TDRD3: variants seen among roughly 807,000 people sequenced by gnomAD.
The protein encoded by TDRD3 is tudor domain containing 3, also known as tudor domain-containing protein 3.
A neutral mutation model predicts 86.7 loss-of-function variants in TDRD3; 45 were observed. The ratio of observed to expected loss-of-function variants is 0.52; its 90% confidence interval spans 0.41 to 0.67. TDRD3 has a LOEUF of 0.67. Among genes scored for constraint, TDRD3 ranks in the 30% least tolerant of loss-of-function variants. The pLI is 0.00. For missense variants in TDRD3, 814 were observed against 889.0 expected (o/e 0.92, Z 1.07); for synonymous variants, 298 against 301.7 (o/e 0.99, Z 0.13).
At chr13:60,399,536 A>G (rs1954037676) in intron 1 of TDRD3, among the ~76,000 whole-genome samples, 2 of 152,330 alleles carry the variant, frequency 1.3e-5, no homozygotes, top group African/African-American at 2.4e-5. Context: ...GGGACTTACT[A>G]TGTTAAAATT....
intron 1 of TDRD3, among the ~76,000 whole-genome samples, chr13:60,404,915 C>T (rs576653985): frequency 3.9e-5 from 6 of 152,278 alleles, no homozygotes; most frequent in South Asian, 2.1e-4. Context: ...ATGCTGTTCT[C>T]GTGATAGTGA....
At chr13:60,405,978 T>G (rs1594893814) in intron 1 of TDRD3, among the ~76,000 whole-genome samples, 1 of 152,336 alleles carries the variant, frequency 6.6e-6, no homozygotes, top group South Asian at 2.1e-4. Context: ...TGTTAAAGGC[T>G]TGATTTCTAG....
chr13:60,455,049 G>A (rs560712602), intron 3 of TDRD3, among the ~76,000 whole-genome samples: 1 of 152,172 alleles, frequency 6.6e-6, no homozygotes, highest in Non-Finnish European at 1.5e-5. Context: ...AAGTAGCTGG[G>A]ATTACAGGCG....
intron 4 of TDRD3, among the ~76,000 whole-genome samples, chr13:60,462,183 A>G (rs1277083555): frequency 3.3e-5 from 5 of 152,184 alleles, no homozygotes. Flanking sequence ...TCAAATTCCT[A>G]TGACGAATTC....
intron 13 of TDRD3, among the ~76,000 whole-genome samples, chr13:60,569,347 A>G (rs1958532580): frequency 6.6e-6 from 1 of 152,222 alleles, no homozygotes; most frequent in South Asian, 2.1e-4. Context: ...TAAAACACCT[A>G]GGAATAAATT....
intron 10 of TDRD3, among the ~76,000 whole-genome samples, chr13:60,525,107 AAAC>A (rs1386980724): frequency 6.7e-6 from 1 of 149,316 alleles, no homozygotes; most frequent in African/African-American, 2.4e-5. Flanking sequence ...AAAAAAAAAA[AAAC>A]CCCACAATTT....
In TDRD3 at chr13:60,403,695, T is replaced by C. The variant is rs566437413; in HGVS notation, c.41+6290T>C. Among the ~76,000 whole-genome samples the C allele has an allele frequency of 2.6e-5, 4 of 152,280 alleles. No homozygotes were observed. In the South Asian group the frequency reaches 8.3e-4, roughly 32 times the overall value. ...GTGATGGACAAAAGGAGGAAAGAAC[T>C]GCATAGACAGAGAGCCTATATGTAC... On this transcript the variant is annotated intron_variant, in intron 1 of 13. Transcript: ENST00000377881.
intron 12 of TDRD3, among the ~76,000 whole-genome samples, chr13:60,553,744 G>A (rs181739511): frequency 2.0e-5 from 3 of 152,138 alleles, no homozygotes; most frequent in Non-Finnish European, 2.9e-5. Context: ...CACGAGAACA[G>A]CATGGGGGAA....
chr13:60,414,091 G>C (rs560057400), intron 1 of TDRD3, among the ~76,000 whole-genome samples: 10 of 152,222 alleles, frequency 6.6e-5, no homozygotes, highest in Admixed American at 3.3e-4. Flanking sequence ...TTCACTTAAA[G>C]AATAATGTGT....
chr13:60,418,175 C>G (rs1295803948), intron 1 of TDRD3, among the ~76,000 whole-genome samples: 3 of 152,128 alleles, frequency 2.0e-5, no homozygotes, highest in Non-Finnish European at 2.9e-5. Flanking sequence ...TATGCTCTAA[C>G]AAGACCAACT....
chr13:60,562,664 G>C (rs1958361764), intron 12 of TDRD3, among the ~76,000 whole-genome samples: 1 of 152,114 alleles, frequency 6.6e-6, no homozygotes, highest in Admixed American at 6.5e-5. Context: ...TCAATTTCAA[G>C]GACTATTGCA....
At chr13:60,418,609 T>C (rs528387930) in intron 1 of TDRD3, among the ~76,000 whole-genome samples, 45 of 152,338 alleles carry the variant, frequency 3.0e-4, no homozygotes, top group African/African-American at 1.1e-3. Context: ...ACAATTAATG[T>C]ACATTAAAAT....
chr13:60,474,874 T>C (rs1388067306), intron 5 of TDRD3, among the ~76,000 whole-genome samples: 1 of 148,100 alleles, frequency 6.8e-6, no homozygotes, highest in Non-Finnish European at 1.5e-5. Flanking sequence ...TTAGTTTTGG[T>C]TTGTCAGAAT....
chr13:60,397,326 C>A lies in TDRD3; in HGVS notation c.-39C>A. On this transcript the variant is annotated 5_prime_UTR_variant, in exon 1 of 14. Coordinates refer to ENST00000377881, the MANE Select transcript of TDRD3 (RefSeq NM_001146070.2). ...AAGTAGGAGGCCTCCCCATCACCCC[C>A]ACCCCAGCCCCCCACCACCCCCGGC... 7.6e-7 allele frequency: 1 copy of A among 1,320,490 alleles called. No homozygotes were observed. The highest frequency in any genetic ancestry group is 1.4e-5 in the South Asian group (1 of 70,162). 81.8% of individuals were successfully genotyped at this position (1,320,490 alleles called of 1,614,324 possible).
intron 7 of TDRD3, among the ~76,000 whole-genome samples, chr13:60,493,506 A>G (rs1325377802): frequency 6.6e-6 from 1 of 151,994 alleles, no homozygotes; most frequent in African/African-American, 2.4e-5. Flanking sequence ...TACTAAAAAT[A>G]CAAAAATTAG....
At chr13:60,455,360 C>G (rs1175239276) in intron 3 of TDRD3, among the ~76,000 whole-genome samples, 1 of 152,192 alleles carries the variant, frequency 6.6e-6, no homozygotes, top group East Asian at 1.9e-4. Flanking sequence ...ATTAGTATTT[C>G]TTCTTCCAAG....
At chr13:60,405,184 G>T (rs1405494377) in intron 1 of TDRD3, among the ~76,000 whole-genome samples, 4 of 152,136 alleles carry the variant, frequency 2.6e-5, no homozygotes, top group Non-Finnish European at 4.4e-5. Context: ...GGCCAGGCTG[G>T]TCTTGAACTC....
intron 5 of TDRD3, among the ~76,000 whole-genome samples, chr13:60,478,164 A>C (rs2137466519): frequency 6.6e-6 from 1 of 152,038 alleles, no homozygotes; most frequent in East Asian, 1.9e-4. Context: ...GTGTGCATAG[A>C]GATGTTCATA....
At chr13:60,420,182 A>G (rs1372253830) in intron 1 of TDRD3, among the ~76,000 whole-genome samples, 2 of 151,388 alleles carry the variant, frequency 1.3e-5, no homozygotes, top group Non-Finnish European at 2.9e-5. Context: ...TTTTTTACCT[A>G]ACAACAACAA....
Sources: allele counts gnomAD v4.1 joint callset (sites outside exome capture counted in the v4.1 genomes callset), GRCh38; gene constraint gnomAD v4.1.1; transcripts MANE v1.5; gene names NCBI Gene and HGNC (gene_info 2026-07-23, HGNC 2026-07-21).